Variants in SMG6 observed in about 807,000 individuals in gnomAD.
SMG6 encodes the protein telomerase-binding protein EST1A.
Under a neutral mutation model 142.2 loss-of-function variants are expected in SMG6, and 66 were observed. That is an observed-to-expected ratio of 0.46 (90% CI 0.38 to 0.57). The LOEUF is 0.57. SMG6 is among the 20% of genes least tolerant of loss of function. SMG6 has a pLI of 0.00. For synonymous variants in SMG6, 779 were observed against 702.4 expected (o/e 1.11, Z -1.72); for missense variants, 1,793 against 1,832.0 (o/e 0.98, Z 0.39).
chr17:2,124,633 G>A (rs1359653248), intron 13 of SMG6, among the ~76,000 whole-genome samples: 3 of 152,110 alleles, frequency 2.0e-5, no homozygotes, highest in Non-Finnish European at 4.4e-5. Flanking sequence ...CAGGTTTCCT[G>A]TTTACTCTGA....
chr17:2,204,243 A>T (rs1390708550), intron 10 of SMG6, among the ~76,000 whole-genome samples: 1 of 152,238 alleles, frequency 6.6e-6, no homozygotes, highest in Non-Finnish European at 1.5e-5. Flanking sequence ...AGGCCTTCTG[A>T]GAAGTTAGCT....
chr17:2,134,290 C>G (rs540407126), intron 13 of SMG6, among the ~76,000 whole-genome samples: 2 of 151,582 alleles, frequency 1.3e-5, no homozygotes, highest in South Asian at 4.2e-4. Context: ...TGGTGGTGCA[C>G]GCCTGTAATC....
chr17:2,143,131 A>G (rs1396491371), intron 13 of SMG6, among the ~76,000 whole-genome samples: 2 of 152,166 alleles, frequency 1.3e-5, no homozygotes, highest in African/African-American at 4.8e-5. Flanking sequence ...TGAGAATGTA[A>G]AATGTTGCAG....
chr17:2,069,798 T>G (rs546066705), intron 15 of SMG6, among the ~76,000 whole-genome samples: 2 of 152,366 alleles, frequency 1.3e-5, no homozygotes, highest in South Asian at 2.1e-4. Context: ...CACCTTGCCC[T>G]TGACCAGCGC....
In SMG6 at chr17:2,300,271, C is replaced by G. The variant is rs2075249506; in HGVS notation, c.482G>C (p.Ser161Thr). 1.9e-6 allele frequency: 3 copies of G among 1,614,066 alleles called. No individual in the cohort carries two copies. Among genetic ancestry groups the G allele is most frequent in the Middle Eastern group, 3.3e-4 (2 of 6,084 alleles). The change falls in exon 2 of 19, where the codon AGT becomes ACT. Residue 161 changes from serine (S) to threonine (T), a missense_variant. Physicochemically the swap from Ser to Thr is moderately conservative, Grantham distance 58 (BLOSUM62 1). Transcript: ENST00000263073. ...GAGGACTTCTTCCTCCTCCACCCGACTGGCGGATTCTTTGCTAACAGTCTG... is the reference window on the plus strand; with the variant it reads ...GAGGACTTCTTCCTCCTCCACCCGAGTGGCGGATTCTTTGCTAACAGTCTG... ...RLQTVSKESASRVEEEEVLNQ... is the reference protein window; with the variant it reads ...RLQTVSKESATRVEEEEVLNQ...
chr17:2,118,516 G>A (rs1334666683), intron 13 of SMG6, among the ~76,000 whole-genome samples: 2 of 152,080 alleles, frequency 1.3e-5, no homozygotes, highest in Admixed American at 6.5e-5. Flanking sequence ...TCCAGCCTGG[G>A]TGTAAGAGTG....
intron 8 of SMG6, among the ~76,000 whole-genome samples, chr17:2,249,760 C>T (rs923414692): frequency 6.6e-6 from 1 of 152,204 alleles, no homozygotes; most frequent in Non-Finnish European, 1.5e-5. Flanking sequence ...AACAAAAATG[C>T]TTCTTGGGTG....
chr17:2,245,130 C>T (rs998259597), intron 8 of SMG6, among the ~76,000 whole-genome samples: 2 of 152,182 alleles, frequency 1.3e-5, no homozygotes, highest in Non-Finnish European at 1.5e-5. Flanking sequence ...GGTTATTTTT[C>T]TACCTACCTA....
chr17:2,303,602 C>A, intron 1 of SMG6, 31 bp downstream of exon 1: 1 of 1,411,702 alleles, frequency 7.1e-7, no homozygotes, highest in South Asian at 1.5e-5. Flanking sequence ...GGCGGGCAGG[C>A]CCGGCCCAGG....
At chr17:2,121,610 T>C (rs2069698914) in intron 13 of SMG6, among the ~76,000 whole-genome samples, 1 of 63,364 alleles carries the variant, frequency 1.6e-5, no homozygotes, top group Non-Finnish European at 3.0e-5. Context: ...TGTGTGTGTG[T>C]GTGTGTGTGT....
intron 13 of SMG6, among the ~76,000 whole-genome samples, chr17:2,088,967 C>G (rs1178764752): frequency 6.6e-6 from 1 of 152,178 alleles, no homozygotes; most frequent in Non-Finnish European, 1.5e-5. Context: ...CAACACAAGA[C>G]AGTTTAAATA....
intron 13 of SMG6, among the ~76,000 whole-genome samples, chr17:2,091,343 ACAGT>A (rs1299231060): frequency 6.6e-6 from 1 of 152,236 alleles, no homozygotes; most frequent in Non-Finnish European, 1.5e-5. Context: ...ACAAGGATGC[ACAGT>A]CAGTCTGAAG....
chr17:2,247,111 C>T (rs1351711254), intron 8 of SMG6, among the ~76,000 whole-genome samples: 1 of 152,288 alleles, frequency 6.6e-6, no homozygotes, highest in East Asian at 1.9e-4. Flanking sequence ...CAGGGACCTT[C>T]CCATGAAAGA....
intron 10 of SMG6, among the ~76,000 whole-genome samples, chr17:2,221,837 G>A (rs1231208): frequency 0.23 from 34,601 of 152,038 alleles, 4,131 homozygotes; most frequent in Middle Eastern, 0.27. Context: ...TCCACCTCCC[G>A]GGTTAACGCC....
At chr17:2,138,412 C>A (rs1030198966) in intron 13 of SMG6, among the ~76,000 whole-genome samples, 1 of 152,128 alleles carries the variant, frequency 6.6e-6, no homozygotes, top group African/African-American at 2.4e-5. Context: ...CTAACCAGAA[C>A]CCCCAGTGGC....
intron 4 of SMG6, among the ~76,000 whole-genome samples, chr17:2,296,764 C>T (rs1002515216): frequency 6.6e-6 from 1 of 152,044 alleles, no homozygotes; most frequent in African/African-American, 2.4e-5. Context: ...GAGGCTGAGG[C>T]GGGTGGCTCA....
rs1183971870 is a variant in SMG6, at chr17:2,085,845, A to G, written c.3414T>C (p.Leu1138=). The change falls in exon 14 of 19, where the codon CTT becomes CTC. Residue 1138 remains leucine (L), a synonymous_variant. Coordinates refer to ENST00000263073, the MANE Select transcript of SMG6 (RefSeq NM_017575.5). This position sits in a 1 kb window ranked among gnomAD's most constrained non-coding sequence, Gnocchi z 4.1. ...VTVLKYFLEA[L]CGQEEPLLAF... is the part of the protein sequence containing the mutation. ...CCAGCAGAGGCTCTTCTTGTCCACA[A>G]AGGGCTTCCAGAAAATACTTCAGCA... is the stretch of plus-strand genomic sequence containing the variant. 6.2e-6 allele frequency: 10 copies of G among 1,614,196 alleles called. No individual in the cohort carries two copies. The highest frequency in any genetic ancestry group is 8.5e-6 in the Non-Finnish European group (10 of 1,180,038).
intron 10 of SMG6, among the ~76,000 whole-genome samples, chr17:2,218,681 T>C (rs1270218918): frequency 2.0e-5 from 3 of 152,246 alleles, no homozygotes; most frequent in Non-Finnish European, 4.4e-5. Flanking sequence ...TGGCATGTCA[T>C]CACCTGAGGT....
chr17:2,183,145 GAGC>G, intron 12 of SMG6, among the ~76,000 whole-genome samples: 4 of 152,102 alleles, frequency 2.6e-5, no homozygotes, highest in African/African-American at 9.7e-5. Context: ...AGAATCACCT[GAGC>G]CCAGGAGGTC....
Sources: gnomAD v4.1 joint callset for allele counts (sites outside exome capture counted in the v4.1 genomes callset) on GRCh38, gnomAD v4.1.1 for gene constraint, Gnocchi (gnomAD v3.1) non-coding constraint, MANE v1.5 for transcripts, NCBI Gene and HGNC (gene_info 2026-07-23, HGNC 2026-07-21) for gene names.